The following STPG1 variants were observed in gnomAD, a reference collection of about 807,000 sequenced individuals.
STPG1 encodes O(6)-methylguanine-induced apoptosis 2.
STPG1 carries 33 observed loss-of-function variants against 40.1 expected under a neutral mutation model. The ratio of observed to expected loss-of-function variants is 0.82; its 90% CI spans 0.62 to 1.10. The LOEUF is 1.10. STPG1 is among the 50% of genes least tolerant of loss of function. STPG1 has a pLI of 0.00. For synonymous variants in STPG1, 150 were observed against 155.0 expected (o/e 0.97, Z 0.24); for missense variants, 396 against 415.1 (o/e 0.95, Z 0.40).
intron 5 of STPG1, among the ~76,000 whole-genome samples, chr1:24,376,051 C>T (rs757617718): frequency 4.6e-5 from 7 of 152,138 alleles, no homozygotes; most frequent in Non-Finnish European, 1.0e-4. Context: ...GATGGGGTCT[C>T]ACTCTGCCAC....
rs769703597 is a variant in STPG1, at chr1:24,401,391, T to C, written c.-3A>G. 6.2e-7 allele frequency: 1 copy of C among 1,613,874 alleles called. No individual in the cohort carries two copies. Among genetic ancestry groups the C allele is most frequent in the East Asian group, 2.2e-5 (1 of 44,886 alleles). ...TTTTTCTGTGCAGAGTTGTCCATGT[T>C]AGCAAAATTCTGTGACGTGTTCCAT... is the stretch of plus-strand genomic sequence containing the variant. On this transcript the variant is annotated 5_prime_UTR_variant, in exon 2 of 9. An upstream open reading frame in the 5' UTR loses its in-frame stop. Coordinates refer to ENST00000337248, the MANE Select transcript of STPG1 (RefSeq NM_001199013.2).
chr1:24,373,058 G>T (rs1641827965), intron 6 of STPG1, among the ~76,000 whole-genome samples: 1 of 152,196 alleles, frequency 6.6e-6, no homozygotes, highest in Non-Finnish European at 1.5e-5. Context: ...GGGCTCGTTA[G>T]TGAGACCCCT....
At chr1:24,381,724 C>T (rs948233930) in intron 4 of STPG1, among the ~76,000 whole-genome samples, 5 of 152,188 alleles carry the variant, frequency 3.3e-5, no homozygotes, top group African/African-American at 1.2e-4. Context: ...TTTTGGTCAG[C>T]CTCACCCATA....
chr1:24,410,685 A>G (rs1643583950), intron 1 of STPG1: 1 of 152,562 alleles, frequency 6.6e-6, no homozygotes, highest in Non-Finnish European at 1.5e-5. Context: ...AATGCTTTCC[A>G]GTCTTCTCAC....
chr1:24,379,463 C>T lies in STPG1; in HGVS notation c.462+190G>A, dbSNP rs1642180910. The T allele has an allele frequency of 1.2e-5, 7 of 604,310 alleles. No individual in the cohort carries two copies. The Admixed American group carries it at 1.2e-4, about 10-fold the overall frequency. The allele number at this position is 604,310 out of a possible 1,614,324, so 37.4% of individuals were successfully genotyped here. ...TGATACTGGCCTCCATGTTGCCCAT[C>T]CTGATCTCTGGGGTCTGCAAATTCC... On this transcript the variant is annotated intron_variant, in intron 5 of 8. Coordinates refer to ENST00000337248, the MANE Select transcript of STPG1 (RefSeq NM_001199013.2).
chr1:24,369,200 A>C, intron 7 of STPG1: 2 of 379,332 alleles, frequency 5.3e-6, no homozygotes, highest in Non-Finnish European at 5.4e-6. Flanking sequence ...ATCGGTATAA[A>C]GCTATGAGAG....
intron 1 of STPG1, chr1:24,412,025 T>A (rs1047767752): frequency 1.3e-5 from 2 of 152,244 alleles, no homozygotes; most frequent in African/African-American, 4.8e-5. Flanking sequence ...TCATTTCTCT[T>A]CCACATTGGT....
intron 3 of STPG1, among the ~76,000 whole-genome samples, chr1:24,390,267 G>A (rs1300345613): frequency 1.3e-5 from 2 of 152,190 alleles, no homozygotes; most frequent in East Asian, 3.8e-4. Context: ...TGGTGAGAGA[G>A]GAGAAAGTCA....
chr1:24,379,539 C>T, intron 5 of STPG1, 114 bp downstream of exon 5: 1 of 1,233,300 alleles, frequency 8.1e-7, no homozygotes, highest in Non-Finnish European at 1.2e-6. Flanking sequence ...TCAACAAATG[C>T]TAACTGGCTT....
intron 5 of STPG1, among the ~76,000 whole-genome samples, chr1:24,376,555 C>G (rs750088330): frequency 2.0e-5 from 3 of 152,196 alleles, no homozygotes; most frequent in South Asian, 2.1e-4. Context: ...CAGCTGCATA[C>G]TACTGGAAAG....
rs540111554 is a variant in STPG1 at position 24,392,174 on chromosome 1, G to A, written c.71-495C>T. ...AGGGCACTGTGCAAGACAGGTGTAA[G>A]TTTTCGTTTCTGTTTTGAGCAGACA... On this transcript the variant is annotated intron_variant, in intron 2 of 8. Coordinates refer to ENST00000337248, the MANE Select transcript of STPG1 (RefSeq NM_001199013.2). 840 of 694,748 alleles carry A rather than the reference G, an allele frequency of 1.2e-3. 1 individual carries two copies. Among genetic ancestry groups the A allele is most frequent in the Non-Finnish European group, 1.4e-3 (779 of 564,494 alleles). 43.0% of individuals were successfully genotyped at this position (694,748 alleles called of 1,614,324 possible).
chr1:24,398,111 C>T (rs754915283), intron 2 of STPG1, among the ~76,000 whole-genome samples: 3 of 152,064 alleles, frequency 2.0e-5, no homozygotes, highest in Non-Finnish European at 4.4e-5. Context: ...TCTTTTTAAT[C>T]TCAGGCATCC....
At chr1:24,375,386 A>G (rs1000823807) in intron 5 of STPG1, among the ~76,000 whole-genome samples, 3 of 152,082 alleles carry the variant, frequency 2.0e-5, no homozygotes, top group African/African-American at 7.2e-5. Flanking sequence ...TCCTTTGTCA[A>G]AAAAAATGTT....
In STPG1 at chr1:24,379,807, G is replaced by C. The variant is rs1642203296; in HGVS notation, c.308C>G (p.Thr103Ser). The stretch of plus-strand genomic sequence containing the variant: ...CGCTGCAGGGTATTTAGAAATGATG[G>C]TGTCCAATCGGGCGCACTGTAAGGA... Reference protein sequence around the residue: ...MFPSMCARLDTIISKYPAANA... With the variant: ...MFPSMCARLDSIISKYPAANA... The change falls in exon 5 of 9, where the codon ACC (threonine) becomes AGC (serine). Residue 103 changes from threonine (T) to serine (S), a missense_variant. Physicochemically the swap from Thr to Ser is moderately conservative, Grantham distance 58. Coordinates refer to ENST00000337248, the MANE Select transcript of STPG1 (RefSeq NM_001199013.2). 1.9e-6 allele frequency: 3 copies of C among 1,613,840 alleles called. No individual in the cohort carries two copies. The highest frequency in any genetic ancestry group is 2.5e-6 in the Non-Finnish European group (3 of 1,179,832).
intron 6 of STPG1, among the ~76,000 whole-genome samples, chr1:24,373,322 G>C (rs1641840298): frequency 3.3e-5 from 5 of 152,158 alleles, no homozygotes; most frequent in Admixed American, 3.3e-4. Context: ...AGTGTTGAAG[G>C]AACAGGATGT....
chr1:24,396,433 C>T (rs1410247980), intron 2 of STPG1, among the ~76,000 whole-genome samples: 1 of 152,166 alleles, frequency 6.6e-6, no homozygotes, highest in African/African-American at 2.4e-5. Flanking sequence ...CCTCAGCCTC[C>T]CAAAGTTCTG....
rs1432408348 is a variant in STPG1 at position 24,399,834 on chromosome 1, T to C, written c.70+1485A>G. Among the ~76,000 whole-genome samples the C allele has an allele frequency of 6.6e-6, 1 of 152,200 alleles. No individual in the cohort carries two copies. The highest frequency in any genetic ancestry group is 1.5e-5 in the Non-Finnish European group (1 of 68,024). ...CAACATGAAAAAGTGCTCAATCTCA[T>C]TGATCTCAGGCAATGCAAATTAAAA... On this transcript the variant is annotated intron_variant, in intron 2 of 8. Coordinates refer to ENST00000337248, the MANE Select transcript of STPG1 (RefSeq NM_001199013.2). This position sits in a 1 kb window ranked among gnomAD's most constrained non-coding sequence, Gnocchi z 4.0.
rs72652536 is a variant in STPG1 at position 24,366,847 on chromosome 1, A to G, written c.737+2827T>C. Among the ~76,000 whole-genome samples the G allele has an allele frequency of 3.6e-3, 543 of 152,302 alleles. 1 individual carries two copies. The highest frequency in any genetic ancestry group is 5.8e-3 in the Non-Finnish European group (393 of 68,016). ...GAGCCTGGGGCACCATCCCCTCATC[A>G]GGGTGAACCCAAGTTTAGGAGACAG... On this transcript the variant is annotated intron_variant, in intron 7 of 8. Transcript: ENST00000337248.
intron 5 of STPG1, 164 bp downstream of exon 5, chr1:24,379,489 C>T: frequency 1.4e-6 from 1 of 711,278 alleles, no homozygotes; most frequent in Non-Finnish European, 2.3e-6. Context: ...TGCAAATTCC[C>T]TGTAAGAGTC....
Sources: allele counts gnomAD v4.1 joint callset (sites outside exome capture counted in the v4.1 genomes callset), GRCh38; gene constraint gnomAD v4.1.1; non-coding constraint Gnocchi (gnomAD v3.1); transcripts MANE v1.5; gene names NCBI Gene and HGNC (gene_info 2026-07-23, HGNC 2026-07-21).